The following RIPOR2 variants were observed in gnomAD, a reference collection of about 807,000 sequenced individuals.
RIPOR2 encodes rho family-interacting cell polarization regulator 2.
Under a neutral mutation model 114.5 loss-of-function variants are expected in RIPOR2, and 39 were observed. The observed-to-expected ratio is 0.34, with a 90% CI of 0.26 to 0.44. The LOEUF is 0.44. Among genes scored for constraint, RIPOR2 ranks in the 20% least tolerant of loss-of-function variants. The probability of loss-of-function intolerance (pLI) is 1.00; values close to 1 mark genes in which losing one functional copy is unlikely to be tolerated. For synonymous variants in RIPOR2, 445 were observed against 484.4 expected (o/e 0.92, Z 1.07); for missense variants, 1,007 against 1,255.1 (o/e 0.80, Z 2.99).
chr6:24,974,672 GA>G (rs1471728097), intron 1 of RIPOR2, among the ~76,000 whole-genome samples: 9 of 152,268 alleles, frequency 5.9e-5, no homozygotes, highest in African/African-American at 1.7e-4. Context: ...GAGAAATGAA[GA>G]TATTTGTCCA....
At chr6:24,828,905 T>C (rs988421775) in intron 17 of RIPOR2, among the ~76,000 whole-genome samples, 7 of 152,216 alleles carry the variant, frequency 4.6e-5, no homozygotes, top group African/African-American at 1.7e-4. Context: ...TTGAACTTCA[T>C]GTAAATGGAA....
chr6:24,916,584 T>C (rs1021897179), intron 1 of RIPOR2, among the ~76,000 whole-genome samples: 1 of 152,232 alleles, frequency 6.6e-6, no homozygotes, highest in African/African-American at 2.4e-5. Context: ...CCTGCATTTA[T>C]TGGTGTCTGA....
chr6:24,930,825 G>C (rs216260), intron 1 of RIPOR2, among the ~76,000 whole-genome samples: 44,423 of 152,108 alleles, frequency 0.29, 6,529 homozygotes, highest in East Asian at 0.35. Flanking sequence ...GGAAACTAGG[G>C]CAGCCTCTTT....
chr6:24,875,592 G>A, intron 2 of RIPOR2, 99 bp downstream of exon 2: 6 of 1,123,058 alleles, frequency 5.3e-6, no homozygotes, highest in Non-Finnish European at 5.1e-6. Flanking sequence ...AGGCCGGGGG[G>A]CGGTTTGACA....
intron 1 of RIPOR2, among the ~76,000 whole-genome samples, chr6:24,990,790 T>C (rs1464912329): frequency 6.6e-6 from 1 of 152,198 alleles, no homozygotes; most frequent in Non-Finnish European, 1.5e-5. Flanking sequence ...ATGTTAAATA[T>C]AGATAGAAAA....
At chr6:24,834,970 A>G (rs937644317) in intron 15 of RIPOR2, among the ~76,000 whole-genome samples, 2 of 152,178 alleles carry the variant, frequency 1.3e-5, no homozygotes, top group African/African-American at 2.4e-5. Flanking sequence ...TTCCACATAC[A>G]CCCAAGCAAG....
At chr6:24,991,899 C>T (rs1774833526) in intron 1 of RIPOR2, among the ~76,000 whole-genome samples, 1 of 152,228 alleles carries the variant, frequency 6.6e-6, no homozygotes, top group Non-Finnish European at 1.5e-5. Flanking sequence ...AGCAGCCCCA[C>T]ATCCCTCTTC....
At chr6:25,014,978 G>C (rs990671897) in intron 1 of RIPOR2, 5 of 150,244 alleles carry the variant, frequency 3.3e-5, no homozygotes, top group Admixed American at 6.7e-5. Context: ...CAGTCACAGT[G>C]ACCTTTTATT....
chr6:24,839,628 G>A (rs1554205094), intron 13 of RIPOR2: 4 of 1,530,364 alleles, frequency 2.6e-6, no homozygotes, highest in African/African-American at 2.8e-5. Flanking sequence ...ACAAAAAGTT[G>A]AAAAAAAACA....
chr6:24,993,287 G>T (rs1561831947), intron 1 of RIPOR2, among the ~76,000 whole-genome samples: 1 of 152,226 alleles, frequency 6.6e-6, no homozygotes, highest in Non-Finnish European at 1.5e-5. Flanking sequence ...ATATATTTAG[G>T]ATAGTTAGAC....
At chr6:24,868,437 C>T (rs1764838600) in intron 6 of RIPOR2, among the ~76,000 whole-genome samples, 1 of 152,136 alleles carries the variant, frequency 6.6e-6, no homozygotes, top group Non-Finnish European at 1.5e-5. Context: ...GATTTAGCTG[C>T]CTCTAAAGGT....
At chr6:25,011,250 CAT>C (rs1267373854) in intron 1 of RIPOR2, among the ~76,000 whole-genome samples, 1 of 152,062 alleles carries the variant, frequency 6.6e-6, no homozygotes, top group African/African-American at 2.4e-5. Flanking sequence ...TATATGTCCA[CAT>C]ATGTATATGT....
At chr6:24,830,118 A>C (rs1452004913) in intron 17 of RIPOR2, among the ~76,000 whole-genome samples, 1 of 152,092 alleles carries the variant, frequency 6.6e-6, no homozygotes, top group Non-Finnish European at 1.5e-5. Flanking sequence ...GGTGTGGGCT[A>C]CCACGCCCGG....
At chr6:25,007,936 G>C (rs903106032) in intron 1 of RIPOR2, among the ~76,000 whole-genome samples, 8 of 151,834 alleles carry the variant, frequency 5.3e-5, no homozygotes, top group Non-Finnish European at 7.4e-5. Flanking sequence ...ATCATGTTTA[G>C]TGGCATCATC....
chr6:24,968,994 C>T (rs1773654918), intron 1 of RIPOR2, among the ~76,000 whole-genome samples: 1 of 152,154 alleles, frequency 6.6e-6, no homozygotes. Flanking sequence ...ATTTGCTTTT[C>T]CCTTTTTTCA....
At chr6:24,954,456 C>CCTTTTTTTT (rs1561805256) in intron 1 of RIPOR2, among the ~76,000 whole-genome samples, 1 of 132,390 alleles carries the variant, frequency 7.6e-6, no homozygotes, top group Admixed American at 8.2e-5. Context: ...TCTCTCTCTC[C>CCTTTTTTTT]TTTTTTTTTT....
chr6:24,928,336 T>A (rs1261187257), intron 1 of RIPOR2, among the ~76,000 whole-genome samples: 1 of 152,224 alleles, frequency 6.6e-6, no homozygotes, highest in Non-Finnish European at 1.5e-5. Flanking sequence ...GTATATTTTT[T>A]TAAATACCAT....
intron 1 of RIPOR2, among the ~76,000 whole-genome samples, chr6:24,994,767 T>C (rs1774975651): frequency 6.6e-6 from 1 of 152,122 alleles, no homozygotes; most frequent in Admixed American, 6.5e-5. Context: ...GAAACTTGCA[T>C]ACCAGAATCA....
intron 1 of RIPOR2, among the ~76,000 whole-genome samples, chr6:24,964,048 C>T (rs536945598): frequency 1.3e-5 from 2 of 152,014 alleles, no homozygotes; most frequent in African/African-American, 4.8e-5. Flanking sequence ...CTCACCACCA[C>T]CTGGCTCTAA....
Sources: allele counts gnomAD v4.1 joint callset (sites outside exome capture counted in the v4.1 genomes callset), GRCh38; gene constraint gnomAD v4.1.1; transcripts MANE v1.5; gene names NCBI Gene and HGNC (gene_info 2026-07-23, HGNC 2026-07-21).